TCF7: variants seen among roughly 807,000 people sequenced by gnomAD.
The protein encoded by TCF7 is transcription factor 7.
Under a neutral mutation model 46.8 loss-of-function variants are expected in TCF7, and 19 were observed. The observed-to-expected ratio is 0.41, with a 90% CI of 0.28 to 0.60. The LOEUF is 0.60. Ranked by LOEUF, TCF7 falls within the 20% of genes least tolerant of loss-of-function variation. The pLI is 0.35. For missense variants in TCF7, 547 were observed against 504.6 expected (o/e 1.08, Z -0.81); for synonymous variants, 245 against 213.4 (o/e 1.15, Z -1.29).
chr5:134,139,509 T>C (rs1759417492), intron 5 of TCF7: 1 of 158,456 alleles, frequency 6.3e-6, no homozygotes, highest in Non-Finnish European at 1.4e-5. Context: ...TGAGGGGCAG[T>C]GTCCCTCCCT....
chr5:134,142,333 G>T, intron 6 of TCF7, 29 bp downstream of exon 6: 2 of 1,556,178 alleles, frequency 1.3e-6, no homozygotes, highest in Non-Finnish European at 1.7e-6. Flanking sequence ...ATGGCAGGGG[G>T]TGTGTCAGTC....
chr5:134,143,893 G>A (rs1335363086), intron 9 of TCF7: 10 of 493,998 alleles, frequency 2.0e-5, no homozygotes, highest in Non-Finnish European at 3.7e-5. Flanking sequence ...GCGTTCCTCT[G>A]CCTTGCACCC....
chr5:134,118,661 G>T (rs1189309428), intron 3 of TCF7, among the ~76,000 whole-genome samples: 1 of 151,914 alleles, frequency 6.6e-6, no homozygotes, highest in African/African-American at 2.4e-5. Flanking sequence ...GCTTGTTTGA[G>T]GAAGAAAAAA....
At position 134,138,155 on chromosome 5, in the gene TCF7, C is replaced by A. The variant is rs770920272; in HGVS notation, c.538C>A (p.Gln180Lys). 1.9e-6 allele frequency: 3 copies of A among 1,613,452 alleles called. No individual in the cohort carries two copies. Among genetic ancestry groups the A allele is most frequent in the Non-Finnish European group, 2.5e-6 (3 of 1,179,742 alleles). Reference sequence around the variant, plus strand: ...CACCCCTGCACCTGCGGACATCAGCCAGAAGCAAGGTACAAGCCTGGGATG... The same window carrying A: ...CACCCCTGCACCTGCGGACATCAGCAAGAAGCAAGGTACAAGCCTGGGATG... ...HPTPAPADIS[Q>K]KQVHRPLQTP... The change falls in exon 4 of 10, where the codon CAG (glutamine) becomes AAG (lysine). Residue 180 changes from glutamine (Q) to lysine (K), a missense_variant. Physicochemically the swap from Gln to Lys is moderately conservative, Grantham distance 53 (BLOSUM62 1). Coordinates refer to ENST00000342854, the MANE Select transcript of TCF7 (RefSeq NM_003202.5).
At chr5:134,109,914 A>C (rs1416397568), upstream of TCF7, among the ~76,000 whole-genome samples, 2 of 151,990 alleles carry the variant, frequency 1.3e-5, no homozygotes, top group Admixed American at 1.3e-4. Flanking sequence ...GGCACTCCCG[A>C]CCCCTTGGAC....
In TCF7 at chr5:134,115,324, C is replaced by G; in HGVS notation, c.253C>G (p.Leu85Val). 6.3e-7 allele frequency: 1 copy of G among 1,585,450 alleles called. No individual in the cohort carries two copies. The highest frequency in any genetic ancestry group is 8.6e-7 in the Non-Finnish European group (1 of 1,167,000). The change falls in exon 2 of 10, where the codon CTC (leucine) becomes GTC (valine). Residue 85 changes from leucine (L) to valine (V), a missense_variant. This residue lies in a region of TCF7 where 425 missense variants were observed against 349.9 expected (regional missense o/e 1.21). Coordinates refer to ENST00000342854, the MANE Select transcript of TCF7 (RefSeq NM_003202.5). ...GAGARGEAEA[L>V]GREHAAQRLF... ...TCCCCTCCGGTTCTCCCTCCAGGCT[C>G]TCGGGCGGGAACACGCTGCGCAGAG...
chr5:134,143,256 A>G (rs1267262360), intron 8 of TCF7, 156 bp downstream of exon 8: 1 of 799,200 alleles, frequency 1.3e-6, no homozygotes, highest in Non-Finnish European at 2.1e-6. Context: ...GCTGCCTCAG[A>G]AGAGGACAAG....
At chr5:134,137,437 A>C (rs1489849022) in intron 3 of TCF7, among the ~76,000 whole-genome samples, 1 of 151,234 alleles carries the variant, frequency 6.6e-6, no homozygotes, top group African/African-American at 2.4e-5. Context: ...AAAAAAAAAA[A>C]AAAAAAAAAA....
chr5:134,147,960 G>A lies in TCF7; in HGVS notation c.*1657G>A, dbSNP rs1037370438. ...TATTGCACTCCAGTCTGGGTAACAG[G>A]GAGACTGCATCTCAAAAAAAAAAAA... On this transcript the variant is annotated 3_prime_UTR_variant, in exon 10 of 10. Transcript: ENST00000342854. 7.4e-6 allele frequency: 1 copy of A among 135,602 alleles called. No homozygotes were observed. The highest frequency in any genetic ancestry group is 2.9e-5 in the African/African-American group (1 of 34,394). 8.4% of individuals were successfully genotyped at this position (135,602 alleles called of 1,614,324 possible). A position where few individuals can be genotyped will look rare whatever the true frequency, so the allele number is the denominator to read the frequency against.
At chr5:134,109,332 C>G in the TCF7 span, among the ~76,000 whole-genome samples, 1 of 152,186 alleles carries the variant, frequency 6.6e-6, no homozygotes, top group Non-Finnish European at 1.5e-5. Context: ...GGATTTAGTG[C>G]AGGCGTATTC....
At chr5:134,122,381 G>A (rs190484349) in intron 3 of TCF7, among the ~76,000 whole-genome samples, 3,760 of 152,154 alleles carry the variant, frequency 0.025, 150 homozygotes, top group African/African-American at 0.086. Flanking sequence ...TTCCCCCCAG[G>A]CTCTACCAGG....
chr5:134,146,391 A>G lies in TCF7; in HGVS notation c.*88A>G. Reference sequence around the variant, plus strand: ...ACAGAACTGCTTACTAGCCCTGCGGAGCCGGCACCTACATCCCCAGGTCTC... The same window carrying G: ...ACAGAACTGCTTACTAGCCCTGCGGGGCCGGCACCTACATCCCCAGGTCTC... On this transcript the variant is annotated 3_prime_UTR_variant, in exon 10 of 10. Transcript: ENST00000342854. The G allele has an allele frequency of 6.6e-7, 1 of 1,509,494 alleles. No individual in the cohort carries two copies. The highest frequency in any genetic ancestry group is 9.2e-7 in the Non-Finnish European group (1 of 1,084,722). 93.5% of individuals were successfully genotyped at this position (1,509,494 alleles called of 1,614,324 possible).
chr5:134,145,826 G>C, intron 9 of TCF7: 1 of 1,612,902 alleles, frequency 6.2e-7, no homozygotes, highest in South Asian at 1.1e-5. Context: ...CTTGAGGACT[G>C]GGATGGCTGG....
intron 5 of TCF7, chr5:134,140,909 C>A: frequency 2.6e-6 from 1 of 379,708 alleles, no homozygotes; most frequent in South Asian, 1.9e-5. Flanking sequence ...TACACTGCAG[C>A]TAGGCTCCTG....
chr5:134,135,297 C>T (rs1002017627), intron 3 of TCF7, among the ~76,000 whole-genome samples: 8 of 152,050 alleles, frequency 5.3e-5, no homozygotes, highest in African/African-American at 1.2e-4. Flanking sequence ...CAGGAGATAC[C>T]GTGGGAAGCC....
At position 134,143,051 on chromosome 5, in the gene TCF7, G is replaced by C; in HGVS notation, c.977G>C (p.Arg326Thr). The C allele has an allele frequency of 6.2e-7, 1 of 1,611,722 alleles. No individual in the cohort carries two copies. The highest frequency in any genetic ancestry group is 1.7e-5 in the Admixed American group (1 of 59,564). The change falls in exon 8 of 10, where the codon AGG (arginine) becomes ACG (threonine). Residue 326 changes from arginine (R) to threonine (T), a missense_variant. This residue lies in a region of TCF7 where 90 missense variants were observed against 88.8 expected (regional missense o/e 1.01). Transcript: ENST00000342854. ...TACTATGAGCTGGCCCGCAAGGAGA[G>C]GCAGCTGCACATGCAGCTATACCCA... The part of the protein sequence containing the change: ...AKYYELARKE[R>T]QLHMQLYPGW...
In TCF7 at chr5:134,144,784, T is replaced by C. The variant is rs202192884; in HGVS notation, c.1075+1144T>C. ...TCTGCCCTGCTCTACCCCTCTGGCA[T>C]GGCTGTGAGCAGACCCTGGCTCGCC... On this transcript the variant is annotated intron_variant, in intron 9 of 9. Coordinates refer to ENST00000342854, the MANE Select transcript of TCF7 (RefSeq NM_003202.5). 3.1e-6 allele frequency: 5 copies of C among 1,613,184 alleles called. No homozygotes were observed. The African/African-American group carries it at 4.0e-5, about 13-fold the overall frequency.
chr5:134,146,053 C>A (rs2149364022), intron 9 of TCF7, 171 bp from the exon 10 acceptor site: 1 of 1,556,480 alleles, frequency 6.4e-7, no homozygotes, highest in Non-Finnish European at 8.6e-7. Context: ...TGTCCTAGGT[C>A]TGGGCCAGAC....
chr5:134,145,611 C>A, intron 9 of TCF7: 2 of 915,672 alleles, frequency 2.2e-6, no homozygotes, highest in Non-Finnish European at 3.4e-6. Context: ...TCCAGCCTCT[C>A]AGTGTACCCA....
Sources: allele counts gnomAD v4.1 joint callset (sites outside exome capture counted in the v4.1 genomes callset), GRCh38; gene constraint gnomAD v4.1.1; regional missense constraint gnomAD v4.1.1; transcripts MANE v1.5; gene names NCBI Gene and HGNC (gene_info 2026-07-23, HGNC 2026-07-21).